TLK1: variants seen among roughly 807,000 people sequenced by gnomAD.
The protein encoded by TLK1 is tousled like kinase 1, also known as serine/threonine-protein kinase tousled-like 1.
A neutral mutation model predicts 105.3 loss-of-function variants in TLK1; 24 were observed. The observed-to-expected ratio is 0.23, with a 90% CI of 0.17 to 0.32. TLK1 has a LOEUF of 0.32. Ranked by LOEUF, TLK1 falls within the 10% of genes least tolerant of loss-of-function variation. TLK1 has a pLI of 1.00. For synonymous variants in TLK1, 321 were observed against 310.4 expected, an observed-to-expected ratio of 1.03 and a Z score of -0.36; for missense variants, 558 against 910.5, an observed-to-expected ratio of 0.61 and a Z score of 4.98.
chr2:171,131,073 C>CTA (rs1405616226), intron 1 of TLK1, among the ~76,000 whole-genome samples: 2 of 150,970 alleles, frequency 1.3e-5, no homozygotes, highest in Non-Finnish European at 2.9e-5. Context: ...ATCTTTGTAT[C>CTA]TATATATATA....
rs548689722 is a variant in TLK1 at position 171,199,445 on chromosome 2, G to A, written c.-6+31700C>T. Among the ~76,000 whole-genome samples, 7 of 152,176 alleles carry A rather than the reference G, an allele frequency of 4.6e-5. No individual in the cohort carries two copies. The South Asian group carries it at 1.4e-3, about 32-fold the overall frequency. ...AGAGGATCACCTAAGCCTGGGAGAT[G>A]GAGGCTGCAGTGAGCCGTGATCACA... On this transcript the variant is annotated intron_variant, in intron 1 of 20. Transcript: ENST00000521943.
rs1357199060 is a variant in TLK1, at chr2:171,206,999, A to G, written c.-6+24146T>C. 2.0e-5 allele frequency among the ~76,000 whole-genome samples: 3 copies of G among 152,352 alleles called. No homozygotes were observed. The East Asian group carries it at 5.8e-4, about 29-fold the overall frequency. On this transcript the variant is annotated intron_variant, in intron 1 of 20. Transcript: ENST00000521943. ...CTTTGAAACAGTTTGGCAGTTTCTTATAAAATTAAACATACTCTTACCATA... is the reference window on the plus strand; with the variant it reads ...CTTTGAAACAGTTTGGCAGTTTCTTGTAAAATTAAACATACTCTTACCATA...
chr2:170,992,987 C>T lies in TLK1; in HGVS notation c.*793G>A, dbSNP rs1349388308. 1 of 152,572 alleles carries T rather than the reference C, an allele frequency of 6.6e-6. No homozygotes were observed. The highest frequency in any genetic ancestry group is 2.1e-4 in the South Asian group (1 of 4,834). 9.5% of individuals were successfully genotyped at this position (152,572 alleles called of 1,614,324 possible). On this transcript the variant is annotated 3_prime_UTR_variant, in exon 21 of 21. Transcript: ENST00000431350. ...CTGTCACCTGTTTTGATGAACAAGG[C>T]CTGGTAACAAAAGAAAAATACCTGT...
chr2:171,082,698 C>A (rs1688805982), intron 3 of TLK1, 83 bp downstream of exon 3: 3 of 1,095,444 alleles, frequency 2.7e-6, no homozygotes, highest in Non-Finnish European at 4.1e-6. Context: ...AGCAAAAGAA[C>A]TGATGAAGAA....
chr2:171,146,630 T>C (rs1443109386), intron 1 of TLK1, among the ~76,000 whole-genome samples: 1 of 152,162 alleles, frequency 6.6e-6, no homozygotes. Flanking sequence ...TTTGGGCTCT[T>C]GATAAAAATA....
intron 4 of TLK1, among the ~76,000 whole-genome samples, chr2:171,059,710 T>A (rs1207338784): frequency 2.0e-5 from 3 of 152,152 alleles, no homozygotes; most frequent in Non-Finnish European, 2.9e-5. Flanking sequence ...AGACAATTTA[T>A]CCACAGACTG....
intron 1 of TLK1, among the ~76,000 whole-genome samples, chr2:171,202,595 A>G (rs1465892432): frequency 6.6e-6 from 1 of 151,954 alleles, no homozygotes; most frequent in East Asian, 1.9e-4. Context: ...TGTGTCTACT[A>G]AAAATACAAA....
Position 171,088,814 on chromosome 2 carries a change from A to G in TLK1, c.259-5962T>C, listed in dbSNP as rs373921907. ...AGGTCTCAAAAATTTCACTACCCATATATCTTTCCTCAAGAAGCAACCAGA... is the reference window on the plus strand; with the variant it reads ...AGGTCTCAAAAATTTCACTACCCATGTATCTTTCCTCAAGAAGCAACCAGA... On this transcript the variant is annotated intron_variant, in intron 2 of 20. Coordinates refer to ENST00000431350, the MANE Select transcript of TLK1 (RefSeq NM_012290.5). Among the ~76,000 whole-genome samples the G allele has an allele frequency of 2.6e-4, 39 of 152,340 alleles. 1 individual carries two copies. Among genetic ancestry groups the G allele is most frequent in the African/African-American group, 7.9e-4 (33 of 41,578 alleles).
At chr2:171,084,535 C>T (rs1688888305) in intron 2 of TLK1, among the ~76,000 whole-genome samples, 1 of 152,080 alleles carries the variant, frequency 6.6e-6, no homozygotes, top group African/African-American at 2.4e-5. Flanking sequence ...TAGAGAAAGC[C>T]CTGTAAGAAA....
rs548891582 is a variant in TLK1, at chr2:171,125,000, T to G, written c.140-7143A>C. Among the ~76,000 whole-genome samples the G allele has an allele frequency of 7.9e-5, 12 of 152,370 alleles. No homozygotes were observed. In the South Asian group the frequency reaches 2.5e-3, roughly 32 times the overall value. ...ACTAGTGATGTTGCTTCAAATGTCC[T>G]CAACTCTTAAATCAACTGTGCTTGC... On this transcript the variant is annotated intron_variant, in intron 1 of 20. Transcript: ENST00000431350.
chr2:171,015,692 CACACACATAT>C lies in TLK1; in HGVS notation c.1237-754_1237-745del, dbSNP rs11278751. On this transcript the variant is annotated intron_variant, in intron 12 of 20. Coordinates refer to ENST00000431350, the MANE Select transcript of TLK1 (RefSeq NM_012290.5). ...GTCATTCATGTCATTCATTCATACA[CACACACATAT>C]ACACACACACACACACACACACACA... Among the ~76,000 whole-genome samples, 12 of 3,594 alleles carry C rather than the reference CACACACATAT, an allele frequency of 3.3e-3. No individual in the cohort carries two copies. In the South Asian group the frequency reaches 0.12, roughly 36 times the overall value. The allele number at this position is 3,594 out of a possible 152,430, so 2.4% of individuals were successfully genotyped here. A position where few individuals can be genotyped will look rare whatever the true frequency, so the allele number is the denominator to read the frequency against.
chr2:171,129,207 T>TTA (rs1690996642), intron 1 of TLK1, among the ~76,000 whole-genome samples: 2 of 152,208 alleles, frequency 1.3e-5, no homozygotes, highest in South Asian at 4.1e-4. Flanking sequence ...CCCTCATTAC[T>TTA]AAGTAATAGG....
chr2:171,044,572 G>C (rs1686850043), intron 11 of TLK1, among the ~76,000 whole-genome samples: 1 of 152,158 alleles, frequency 6.6e-6, no homozygotes, highest in Non-Finnish European at 1.5e-5. Flanking sequence ...AGAGAAAAGT[G>C]GGCTGGAGAT....
upstream of TLK1, among the ~76,000 whole-genome samples, chr2:171,161,392 T>G (rs1692494780): frequency 6.6e-6 from 1 of 152,162 alleles, no homozygotes; most frequent in Non-Finnish European, 1.5e-5. Flanking sequence ...TCCTTCTTTC[T>G]TGCCCCTCTG....
intron 2 of TLK1, among the ~76,000 whole-genome samples, chr2:171,084,960 C>A (rs1688905235): frequency 6.6e-6 from 1 of 151,878 alleles, no homozygotes; most frequent in Non-Finnish European, 1.5e-5. Flanking sequence ...TTTTTGAAAT[C>A]AAAAGAAATG....
At chr2:171,012,765 C>T (rs1267913337) in intron 13 of TLK1, among the ~76,000 whole-genome samples, 1 of 152,156 alleles carries the variant, frequency 6.6e-6, no homozygotes, top group Non-Finnish European at 1.5e-5. Flanking sequence ...GTGTGAGCCA[C>T]AACGCCTGGC....
At chr2:171,086,262 A>G (rs1333663728) in intron 2 of TLK1, among the ~76,000 whole-genome samples, 1 of 152,204 alleles carries the variant, frequency 6.6e-6, no homozygotes, top group Non-Finnish European at 1.5e-5. Flanking sequence ...ATCCTGGAAA[A>G]AAAGGATTTA....
At chr2:171,093,875 G>A (rs1246655651) in intron 2 of TLK1, among the ~76,000 whole-genome samples, 2 of 152,084 alleles carry the variant, frequency 1.3e-5, no homozygotes, top group African/African-American at 4.8e-5. Context: ...CCTGTCCCAT[G>A]CTGCTCTAGA....
intron 18 of TLK1, among the ~76,000 whole-genome samples, chr2:171,005,131 G>A (rs1188293263): frequency 6.6e-6 from 1 of 152,200 alleles, no homozygotes; most frequent in African/African-American, 2.4e-5. Flanking sequence ...GTTGAACGCA[G>A]TTATCTTTCT....
Sources: allele counts gnomAD v4.1 joint callset (sites outside exome capture counted in the v4.1 genomes callset), GRCh38; gene constraint gnomAD v4.1.1; transcripts MANE v1.5; gene names NCBI Gene and HGNC (gene_info 2026-07-23, HGNC 2026-07-21).